Variants in CTBP2 observed in about 807,000 individuals in gnomAD.
CTBP2 encodes the protein C-terminal binding protein 2.
Under a neutral mutation model 80.3 loss-of-function variants are expected in CTBP2, and 30 were observed. The observed-to-expected ratio is 0.37, with a 90% CI of 0.28 to 0.51. CTBP2 has a LOEUF of 0.51. Among genes scored for constraint, CTBP2 ranks in the 20% least tolerant of loss-of-function variants. CTBP2 has a pLI of 0.93. For missense variants in CTBP2, 1,212 were observed against 1,375.3 expected (o/e 0.88, Z 1.88); for synonymous variants, 594 against 587.4 (o/e 1.01, Z -0.16).
intron 1 of CTBP2, among the ~76,000 whole-genome samples, chr10:125,116,656 C>T (rs549750064): frequency 5.3e-5 from 8 of 152,282 alleles, no homozygotes; most frequent in South Asian, 4.1e-4. Flanking sequence ...TAGAGCACCA[C>T]GGCACTGCCT....
chr10:125,001,197 T>TC (rs1200344359), intron 3 of CTBP2: 1 of 152,158 alleles, frequency 6.6e-6, no homozygotes, highest in African/African-American at 2.4e-5. Context: ...GGCAAGGACC[T>TC]CCCCTCTCTC....
At chr10:125,086,265 C>T (rs1590666595) in intron 2 of CTBP2, among the ~76,000 whole-genome samples, 1 of 152,230 alleles carries the variant, frequency 6.6e-6, no homozygotes, top group African/African-American at 2.4e-5. Flanking sequence ...GGCTCGGTGG[C>T]TAATGCCTGT....
At chr10:125,039,245 A>T in intron 2 of CTBP2, 90 bp from the exon 3 acceptor site, 1 of 522,478 alleles carries the variant, frequency 1.9e-6, no homozygotes, top group Non-Finnish European at 3.4e-6. Context: ...TACTTTCTAT[A>T]AGGGAACCTG....
chr10:125,015,105 A>G (rs941200529), intron 1 of CTBP2, among the ~76,000 whole-genome samples: 4 of 152,210 alleles, frequency 2.6e-5, no homozygotes, highest in African/African-American at 9.6e-5. Flanking sequence ...GAGTGACCGG[A>G]GCCCGAGGGA....
Position 125,056,999 on chromosome 10 carries a change from G to C in CTBP2, c.-101-17844C>G, listed in dbSNP as rs547963414. Among the ~76,000 whole-genome samples, 6 of 152,308 alleles carry C rather than the reference G, an allele frequency of 3.9e-5. No homozygotes were observed. In the South Asian group the frequency reaches 1.2e-3, roughly 32 times the overall value. On this transcript the variant is annotated intron_variant, in intron 2 of 10. Coordinates refer to the CTBP2 transcript ENST00000337195. ...AAGACACAAGGGTCCCTCTGTCCCC[G>C]GGGTACACAGGGCAGCCCCCAGCCG...
upstream of CTBP2, among the ~76,000 whole-genome samples, chr10:125,029,507 A>AT (rs770000049): frequency 5.0e-4 from 76 of 152,002 alleles, 1 homozygote; most frequent in Non-Finnish European, 1.0e-3. Flanking sequence ...TGATCCACCC[A>AT]CCTCAGCCTC....
chr10:125,159,334 G>T (rs1218250593), intron 1 of CTBP2, among the ~76,000 whole-genome samples: 2 of 148,346 alleles, frequency 1.3e-5, no homozygotes, highest in Non-Finnish European at 3.0e-5. Context: ...GGGCGGGCCG[G>T]GCTCCCGGCG....
intron 2 of CTBP2, among the ~76,000 whole-genome samples, chr10:125,081,721 G>C (rs1847199398): frequency 6.6e-6 from 1 of 151,954 alleles, no homozygotes; most frequent in South Asian, 2.1e-4. Context: ...TCAAGTTTTA[G>C]AATCAAGATT....
intron 2 of CTBP2, among the ~76,000 whole-genome samples, chr10:125,102,147 G>C (rs1564922868): frequency 6.6e-6 from 1 of 152,174 alleles, no homozygotes; most frequent in East Asian, 1.9e-4. Flanking sequence ...TTGCAAGAGG[G>C]GGAAACTGAG....
At chr10:125,118,996 C>T (rs1853849559) in intron 1 of CTBP2, among the ~76,000 whole-genome samples, 1 of 152,226 alleles carries the variant, frequency 6.6e-6, no homozygotes, top group Non-Finnish European at 1.5e-5. Context: ...CTGGTGGCCA[C>T]TACTAACCAG....
At chr10:125,055,498 T>C (rs1389796391) in intron 2 of CTBP2, among the ~76,000 whole-genome samples, 1 of 152,146 alleles carries the variant, frequency 6.6e-6, no homozygotes, top group Admixed American at 6.5e-5. Context: ...AGACTCAACA[T>C]GGCCAGGTCA....
At chr10:125,133,975 A>G (rs1171305656) in intron 1 of CTBP2, among the ~76,000 whole-genome samples, 2 of 152,228 alleles carry the variant, frequency 1.3e-5, no homozygotes, top group Non-Finnish European at 2.9e-5. Context: ...AATGTGTCCA[A>G]AAAGAAACGC....
At chr10:125,063,125 T>C (rs1421841545) in intron 2 of CTBP2, among the ~76,000 whole-genome samples, 1 of 152,240 alleles carries the variant, frequency 6.6e-6, no homozygotes, top group Non-Finnish European at 1.5e-5. Flanking sequence ...CAGCCGCAAC[T>C]GTGTGCTGTG....
chr10:125,138,816 G>T (rs558481605), intron 1 of CTBP2, among the ~76,000 whole-genome samples: 2 of 152,126 alleles, frequency 1.3e-5, no homozygotes, highest in South Asian at 4.1e-4. Context: ...GCAAGATGAC[G>T]AACTTAAGAA....
At position 124,986,285 on chromosome 10, in the gene CTBP2, G is replaced by GCACACACACACACA. The variant is rs1295268779; in HGVS notation, c.*3232_*3233insTGTGTGTGTGTGTG. The GCACACACACACACA allele has an allele frequency of 5.7e-4, 33 of 57,836 alleles. No individual in the cohort carries two copies. Among genetic ancestry groups the GCACACACACACACA allele is most frequent in the African/African-American group, 1.8e-3 (33 of 17,916 alleles). The allele number at this position is 57,836 out of a possible 1,614,324, so 3.6% of individuals were successfully genotyped here. ...TTGGAAAGACGACACACGCACGCGCGCGCGCGCACACACACACACACACAC... is the reference window on the plus strand; with the variant it reads ...TTGGAAAGACGACACACGCACGCGCGCACACACACACACACGCGCGCACACACACACACACACAC... On this transcript the variant is annotated 3_prime_UTR_variant, in exon 9 of 9. Transcript: ENST00000309035.
In CTBP2 at chr10:124,987,606, G is replaced by GTAA. The variant is rs1468131783; in HGVS notation, c.*1909_*1911dup. ...TTAAACTACCTTTTTGTTCCCTGGG[G>GTAA]TAATAGGTCAGTAACTATGAGCGCC... On this transcript the variant is annotated 3_prime_UTR_variant, in exon 9 of 9. Transcript: ENST00000309035. 1 of 152,122 alleles carries GTAA rather than the reference G, an allele frequency of 6.6e-6. No individual in the cohort carries two copies. The highest frequency in any genetic ancestry group is 1.5e-5 in the Non-Finnish European group (1 of 68,028). The allele number at this position is 152,122 out of a possible 1,614,324, so 9.4% of individuals were successfully genotyped here. A position where few individuals can be genotyped will look rare whatever the true frequency, so the allele number is the denominator to read the frequency against.
chr10:125,153,174 G>A (rs1454170801), intron 1 of CTBP2, among the ~76,000 whole-genome samples: 3 of 152,252 alleles, frequency 2.0e-5, no homozygotes, highest in Admixed American at 6.5e-5. Context: ...GGGCTTCCCA[G>A]GGGTGTCTCC....
chr10:125,138,370 A>G (rs1415019837), intron 1 of CTBP2: 1 of 152,234 alleles, frequency 6.6e-6, no homozygotes, highest in African/African-American at 2.4e-5. Flanking sequence ...CACCACGCTG[A>G]CACTTGAAAG....
intron 4 of CTBP2, 84 bp from the exon 7 acceptor site, chr10:124,994,767 C>G: frequency 7.2e-7 from 1 of 1,384,620 alleles, no homozygotes; most frequent in Non-Finnish European, 1.0e-6. Context: ...GAGCTGAGTC[C>G]GGGCTTGGCA....
Sources: allele counts gnomAD v4.1 joint callset (sites outside exome capture counted in the v4.1 genomes callset), GRCh38; gene constraint gnomAD v4.1.1; transcripts MANE v1.5; gene names NCBI Gene and HGNC (gene_info 2026-07-23, HGNC 2026-07-21).